Variants in IGF1R observed in about 807,000 individuals in gnomAD.
IGF1R encodes the protein insulin like growth factor 1 receptor.
IGF1R carries 44 observed loss-of-function variants against 144.6 expected under a neutral mutation model. The ratio of observed to expected loss-of-function variants is 0.30; its 90% CI spans 0.24 to 0.39. IGF1R has a LOEUF of 0.39. Ranked by LOEUF, IGF1R falls within the 10% of genes least tolerant of loss-of-function variation. The pLI is 1.00. For synonymous variants in IGF1R, 795 were observed against 722.8 expected (o/e 1.10, Z -1.60); for missense variants, 1,355 against 1,833.7 (o/e 0.74, Z 4.77).
chr15:98,788,673 C>T (rs984185136), intron 2 of IGF1R, among the ~76,000 whole-genome samples: 3 of 152,226 alleles, frequency 2.0e-5, no homozygotes, highest in African/African-American at 7.2e-5. Flanking sequence ...GATGCGCCCG[C>T]CCTGCTGAGG....
chr15:98,874,876 G>C (rs183936734), intron 2 of IGF1R, among the ~76,000 whole-genome samples: 1 of 152,196 alleles, frequency 6.6e-6, no homozygotes, highest in East Asian at 1.9e-4. Context: ...CTGAGAAGCC[G>C]TTCTCTTCTC....
intron 2 of IGF1R, among the ~76,000 whole-genome samples, chr15:98,799,817 C>G (rs536111965): frequency 5.9e-5 from 9 of 152,162 alleles, no homozygotes; most frequent in African/African-American, 2.2e-4. Context: ...TGCCCCCCTT[C>G]AAGGTTTCGA....
At chr15:98,684,356 A>G (rs2053268292) in intron 1 of IGF1R, among the ~76,000 whole-genome samples, 1 of 134,810 alleles carries the variant, frequency 7.4e-6, no homozygotes. Flanking sequence ...GTGTCTTACA[A>G]CTGTAGCTCT....
At chr15:98,818,585 G>T (rs1021401196) in intron 2 of IGF1R, among the ~76,000 whole-genome samples, 1 of 151,876 alleles carries the variant, frequency 6.6e-6, no homozygotes, top group Non-Finnish European at 1.5e-5. Context: ...GTGGCAGGGC[G>T]GGGGGTAGGG....
In IGF1R at chr15:98,961,876, A is replaced by T. The variant is rs1233498491; in HGVS notation, c.*4434A>T. The T allele has an allele frequency of 4.3e-6, 1 of 233,220 alleles. No individual in the cohort carries two copies. Among genetic ancestry groups the T allele is most frequent in the South Asian group, 1.8e-4 (1 of 5,536 alleles). 14.4% of individuals were successfully genotyped at this position (233,220 alleles called of 1,614,324 possible). A position where few individuals can be genotyped will look rare whatever the true frequency, so the allele number is the denominator to read the frequency against. On this transcript the variant is annotated 3_prime_UTR_variant, in exon 21 of 21. Transcript: ENST00000650285. ...GGCCTCTCCTGGCCTGTTTCTTAAG[A>T]TGCGGAGTCACATTTCAATGGTACG...
intron 1 of IGF1R, among the ~76,000 whole-genome samples, chr15:98,684,727 C>T (rs973685656): frequency 4.6e-5 from 7 of 152,016 alleles, no homozygotes; most frequent in South Asian, 2.1e-4. Flanking sequence ...AGGCAGTCAT[C>T]GGGAGACTGT....
intron 2 of IGF1R, among the ~76,000 whole-genome samples, chr15:98,780,753 TTAGA>T (rs1368841830): frequency 6.6e-6 from 1 of 152,156 alleles, no homozygotes; most frequent in Non-Finnish European, 1.5e-5. Context: ...TCCTTACGGT[TTAGA>T]TAGATAAGTG....
At chr15:98,759,878 T>C (rs1247862757) in intron 2 of IGF1R, among the ~76,000 whole-genome samples, 1 of 152,200 alleles carries the variant, frequency 6.6e-6, no homozygotes, top group African/African-American at 2.4e-5. Context: ...TTGCTAGTTT[T>C]TAATTTCTCA....
intron 2 of IGF1R, among the ~76,000 whole-genome samples, chr15:98,732,630 G>A (rs956200774): frequency 2.6e-5 from 4 of 152,164 alleles, no homozygotes; most frequent in African/African-American, 9.7e-5. Flanking sequence ...ATGAAGTTGG[G>A]GCAGGTAGAG....
At chr15:98,913,686 C>T (rs2015120717) in intron 8 of IGF1R, among the ~76,000 whole-genome samples, 1 of 152,222 alleles carries the variant, frequency 6.6e-6, no homozygotes, top group Admixed American at 6.5e-5. Flanking sequence ...CATCTTCATT[C>T]TGGAGCTTAT....
In IGF1R at chr15:98,689,365, A is replaced by G. The variant is rs372042382; in HGVS notation, c.95-18197A>G. On this transcript the variant is annotated intron_variant, in intron 1 of 20. Coordinates refer to ENST00000650285, the MANE Select transcript of IGF1R (RefSeq NM_000875.5). ...GCAGTTCTCCTGCCTCAGCCTCCCA[A>G]GTAGCTGGGATTACAGGTGTCTGCC... 5.6e-4 allele frequency among the ~76,000 whole-genome samples: 85 copies of G among 151,550 alleles called. 4 individuals are homozygous for G. Among genetic ancestry groups the G allele is most frequent in the African/African-American group, 2.0e-3 (83 of 41,286 alleles).
At chr15:98,821,578 T>C (rs576649097) in intron 2 of IGF1R, among the ~76,000 whole-genome samples, 2 of 152,310 alleles carry the variant, frequency 1.3e-5, no homozygotes, top group East Asian at 3.9e-4. Context: ...ATGTGCATGA[T>C]GCACTAAAAT....
At chr15:98,861,391 G>T (rs759343942) in intron 2 of IGF1R, among the ~76,000 whole-genome samples, 1 of 152,064 alleles carries the variant, frequency 6.6e-6, no homozygotes, top group African/African-American at 2.4e-5. Flanking sequence ...GCTGACCCGC[G>T]TAGGGAGGAC....
intron 6 of IGF1R, among the ~76,000 whole-genome samples, chr15:98,910,517 A>G (rs1316192804): frequency 1.3e-5 from 2 of 152,206 alleles, no homozygotes; most frequent in Non-Finnish European, 2.9e-5. Flanking sequence ...ATTCAGGCAG[A>G]TAAGAGGGCG....
rs528549995 is a variant in IGF1R, at chr15:98,934,350, A to G, written c.2957-474A>G. 2.4e-3 allele frequency among the ~76,000 whole-genome samples: 367 copies of G among 152,280 alleles called. 4 individuals carry two copies. The highest frequency in any genetic ancestry group is 3.9e-3 in the Admixed American group (59 of 15,288). On this transcript the variant is annotated intron_variant, in intron 15 of 20. Transcript: ENST00000650285. ...ACTCTGGCCTTTTTCCCGACCCAGC[A>G]TAAGAACTCTTCCCTCTCCCTACTA... is the stretch of plus-strand genomic sequence containing the variant.
intron 20 of IGF1R, among the ~76,000 whole-genome samples, chr15:98,953,596 G>T (rs571559794): frequency 6.6e-6 from 1 of 152,160 alleles, no homozygotes; most frequent in Non-Finnish European, 1.5e-5. Context: ...CCAGGGCAGA[G>T]GTGTGAACGC....
At chr15:98,953,158 A>G (rs8026157) in intron 20 of IGF1R, 51,533 of 151,994 alleles carry the variant, frequency 0.34, 9,702 homozygotes, top group Admixed American at 0.45. Flanking sequence ...AACAGGCACC[A>G]TCTGGTGACA....
At chr15:98,895,918 C>T (rs368135247) in intron 3 of IGF1R, among the ~76,000 whole-genome samples, 95 of 152,106 alleles carry the variant, frequency 6.2e-4, no homozygotes, top group African/African-American at 2.2e-3. Flanking sequence ...ACTTTCTGAC[C>T]CTTGTTCTAT....
At chr15:98,817,892 C>T (rs1188400115) in intron 2 of IGF1R, among the ~76,000 whole-genome samples, 1 of 152,234 alleles carries the variant, frequency 6.6e-6, no homozygotes, top group East Asian at 1.9e-4. Context: ...TACTTCACCT[C>T]TTCTCTCCAG....
Sources: allele counts gnomAD v4.1 joint callset (sites outside exome capture counted in the v4.1 genomes callset), GRCh38; gene constraint gnomAD v4.1.1; transcripts MANE v1.5; gene names NCBI Gene and HGNC (gene_info 2026-07-23, HGNC 2026-07-21).